Variants in VEGFB observed in about 807,000 individuals in gnomAD.
VEGFB encodes the protein VEGF-related factor.
Under a neutral mutation model 22.5 loss-of-function variants are expected in VEGFB, and 24 were observed. The ratio of observed to expected loss-of-function variants is 1.07; its 90% CI spans 0.77 to 1.50. The LOEUF (loss-of-function observed/expected upper bound fraction) is 1.50. Among genes scored for constraint, VEGFB ranks in the 40% most tolerant of loss-of-function variants. The probability of loss-of-function intolerance (pLI) is 0.00; values close to 1 mark genes in which losing one functional copy is unlikely to be tolerated. For missense variants in VEGFB, 327 were observed against 287.8 expected (o/e 1.14, Z -0.99); for synonymous variants, 141 against 117.4 (o/e 1.20, Z -1.30).
chr11:64,237,207 C>G lies in VEGFB; in HGVS notation c.395C>G (p.Ala132Gly). 6.2e-7 allele frequency: 1 copy of G among 1,608,668 alleles called. No homozygotes were observed. The highest frequency in any genetic ancestry group is 1.3e-5 in the African/African-American group (1 of 74,778). Residue 132 changes from alanine to glycine, a missense_variant, in exon 5 of 7, where the codon GCT becomes GGT. Physicochemically the swap from Ala to Gly is moderately conservative, Grantham distance 60 (BLOSUM62 0). Transcript: ENST00000309422. ...CECRPKKKDS[A>G]VKPDRAATPH... ...TTCAGACCTAAAAAAAAGGACAGTG[C>G]TGTGAAGCCAGACAGGTGAGTCTTT...
Position 64,237,120 on chromosome 11 carries a change from AGAGTAG to A in VEGFB, c.375-64_375-59del, listed in dbSNP as rs1462591904. On this transcript the variant is annotated intron_variant, in intron 4 of 6. Coordinates refer to ENST00000309422, the MANE Select transcript of VEGFB (RefSeq NM_003377.5). ...GAGAGAGAGAGAGAGAGAGAGAGAG[AGAGTAG>A]GATGCTGGGATTTCCTGATCTTCCT... 2.8e-5 allele frequency: 27 copies of A among 966,560 alleles called. 1 individual carries two copies. Among genetic ancestry groups the A allele is most frequent in the African/African-American group, 1.8e-4 (11 of 61,490 alleles). 59.9% of individuals were successfully genotyped at this position (966,560 alleles called of 1,614,324 possible).
chr11:64,236,757 G>GGAGAGGGAGAGGGAGAGGGAGAGGGAGA (rs2030063301), intron 4 of VEGFB, among the ~76,000 whole-genome samples: 1 of 138,274 alleles, frequency 7.2e-6, no homozygotes, highest in Non-Finnish European at 1.6e-5. Flanking sequence ...GTAGAGCCAA[G>GGAGAGGGAGAGGGAGAGGGAGAGGGAGA]GGTAGGCCTT....
chr11:64,237,547 C>G lies in VEGFB; in HGVS notation c.538C>G (p.Pro180Ala), dbSNP rs1488989926. ...CCCAGGCCCCTCTGCCCACGCTGCA[C>G]CCAGCACCACCAGCGCCCTGACCCC... is the stretch of plus-strand genomic sequence containing the variant. ...PAPGPSAHAA[P>A]STTSALTPGP... The change falls in exon 6 of 7, where the codon CCC (proline) becomes GCC (alanine). Residue 180 changes from proline to alanine, a missense_variant. Coordinates refer to ENST00000309422, the MANE Select transcript of VEGFB (RefSeq NM_003377.5). The G allele has an allele frequency of 6.2e-7, 1 of 1,607,070 alleles. No individual in the cohort carries two copies. Among genetic ancestry groups the G allele is most frequent in the Non-Finnish European group, 8.5e-7 (1 of 1,179,040 alleles).
In VEGFB at chr11:64,234,873, C is replaced by A; in HGVS notation, c.40C>A (p.Leu14Met). The A allele has an allele frequency of 5.4e-6, 7 of 1,305,918 alleles. No homozygotes were observed. The highest frequency in any genetic ancestry group is 5.9e-6 in the Non-Finnish European group (6 of 1,024,024). 80.9% of individuals were successfully genotyped at this position (1,305,918 alleles called of 1,614,324 possible). A position where few individuals can be genotyped will look rare whatever the true frequency, so the allele number is the denominator to read the frequency against. The change falls in exon 1 of 7, where the codon CTG (leucine) becomes ATG (methionine). Residue 14 changes from leucine (L) to methionine (M), a missense_variant. Physicochemically the swap from Leu to Met is conservative, Grantham distance 15. Coordinates refer to ENST00000309422, the MANE Select transcript of VEGFB (RefSeq NM_003377.5). The surrounding 1 kb of genome is among the most constrained non-coding windows in gnomAD (Gnocchi z 5.3). ...LLRRLLLAALLQLAPAQAPVS... is the reference protein window; with the variant it reads ...LLRRLLLAALMQLAPAQAPVS... ...CCGCCGCCTGCTGCTCGCCGCACTC[C>A]TGCAGCTGGCCCCCGCCCAGGTACG... is the stretch of plus-strand genomic sequence containing the variant.
intron 4 of VEGFB, 129 bp downstream of exon 4, chr11:64,236,456 C>G (rs1228439214): frequency 2.4e-6 from 2 of 849,702 alleles, no homozygotes; most frequent in African/African-American, 1.7e-5. Flanking sequence ...TAGCTCACGC[C>G]TGTAATCCCA....
rs768234724 is a variant in VEGFB, at chr11:64,237,650, C to G, written c.*17C>G. On this transcript the variant is annotated 3_prime_UTR_variant, in exon 6 of 7. Transcript: ENST00000309422. ...GGGGCTTAGAGCTCAACCCAGACAC[C>G]TGCAGGTGAGGCGTCTGTGGGGTGG... 1 of 1,527,010 alleles carries G rather than the reference C, an allele frequency of 6.5e-7. No homozygotes were observed. The highest frequency in any genetic ancestry group is 1.2e-5 in the South Asian group (1 of 85,458). The allele number at this position is 1,527,010 out of a possible 1,614,324, so 94.6% of individuals were successfully genotyped here.
At chr11:64,238,233 C>G (rs2030240920) in intron 6 of VEGFB, 123 bp from the exon 7 acceptor site, 2 of 1,267,270 alleles carry the variant, frequency 1.6e-6, no homozygotes, top group Admixed American at 2.1e-5. Context: ...GCCTCCAGTG[C>G]CCAGGGCCGA....
chr11:64,237,687 G>T, intron 6 of VEGFB, 32 bp downstream of exon 6: 2 of 1,498,924 alleles, frequency 1.3e-6, no homozygotes, highest in African/African-American at 2.8e-5. Context: ...GTTTGTTTGG[G>T]AAGGCACCAA....
intron 1 of VEGFB, 130 bp downstream of exon 1, chr11:64,235,023 G>A (rs187243685): frequency 1.3e-6 from 1 of 747,608 alleles, no homozygotes; most frequent in Non-Finnish European, 1.8e-6. Flanking sequence ...GGGCGTCTCG[G>A]GGGCCCGGCG....
rs1238108093 is a variant in VEGFB at position 64,237,408 on chromosome 11, TCTC to T, written c.411-7_411-5del. On this transcript the variant is annotated splice_polypyrimidine_tract_variant and intron_variant, in intron 5 of 6. Transcript: ENST00000309422. ...TCCTTCCCACCCCAGACATGTCGCT[TCTC>T]CTCCCTAGGGCTGCCACTCCCCACC... 1 of 1,577,622 alleles carries T rather than the reference TCTC, an allele frequency of 6.3e-7. No homozygotes were observed. Among genetic ancestry groups the T allele is most frequent in the East Asian group, 2.3e-5 (1 of 44,068 alleles).
chr11:64,235,862 G>C lies in VEGFB; in HGVS notation c.153G>C (p.Glu51Asp), dbSNP rs746744390. ...CTCGCGCTACCTGCCAGCCCCGGGA[G>C]GTGGTGGTGCCCTTGACTGTGGAGC... The part of the protein sequence containing the change: ...VYTRATCQPR[E>D]VVVPLTVELM... The change falls in exon 3 of 7, where the codon GAG becomes GAC. Residue 51 changes from glutamate (E) to aspartate (D), a missense_variant. Physicochemically the swap from Glu to Asp is conservative, Grantham distance 45. Coordinates refer to ENST00000309422, the MANE Select transcript of VEGFB (RefSeq NM_003377.5). The C allele has an allele frequency of 4.8e-5, 77 of 1,613,914 alleles. No homozygotes were observed. The Admixed American group carries it at 1.2e-3, about 26-fold the overall frequency.
chr11:64,236,716 C>CA (rs773789771), intron 4 of VEGFB, among the ~76,000 whole-genome samples: 9,912 of 73,880 alleles, frequency 0.13, 1,952 homozygotes, highest in Admixed American at 0.16. Context: ...GACTCTGCCA[C>CA]AAAAAAAAAA....
At chr11:64,237,280 G>A (rs1591081724) in intron 5 of VEGFB, 58 bp downstream of exon 5, 1 of 1,552,168 alleles carries the variant, frequency 6.4e-7, no homozygotes. Context: ...GAGTCCAGAA[G>A]CTGTTGCTCC....
Position 64,238,473 on chromosome 11 carries a change from C to A in VEGFB, c.*140C>A. The stretch of plus-strand genomic sequence containing the variant: ...GCCTGGTAAAAAACAGCCAAGCCCC[C>A]AAGACCTCAGCCCAGGCAGAAGCTG... On this transcript the variant is annotated 3_prime_UTR_variant, in exon 7 of 7. Coordinates refer to ENST00000309422, the MANE Select transcript of VEGFB (RefSeq NM_003377.5). 2 of 1,481,044 alleles carry A rather than the reference C, an allele frequency of 1.4e-6. No individual in the cohort carries two copies. Among genetic ancestry groups the A allele is most frequent in the South Asian group, 1.2e-5 (1 of 82,794 alleles). The allele number at this position is 1,481,044 out of a possible 1,614,324, so 91.7% of individuals were successfully genotyped here. A position where few individuals can be genotyped will look rare whatever the true frequency, so the allele number is the denominator to read the frequency against.
At position 64,237,054 on chromosome 11, in the gene VEGFB, G is replaced by A. The variant is rs545284383; in HGVS notation, c.375-133G>A. Reference sequence around the variant, plus strand: ...GCCGAGACCACGCCACTGCACTCCAGCCTGGGCAAGAAGAGGGAAACACAG... The same window carrying A: ...GCCGAGACCACGCCACTGCACTCCAACCTGGGCAAGAAGAGGGAAACACAG... On this transcript the variant is annotated intron_variant, in intron 4 of 6. Coordinates refer to ENST00000309422, the MANE Select transcript of VEGFB (RefSeq NM_003377.5). 2.0e-5 allele frequency: 15 copies of A among 745,604 alleles called. No homozygotes were observed. In the African/African-American group the frequency reaches 2.7e-4, roughly 13 times the overall value. The allele number at this position is 745,604 out of a possible 1,614,324, so 46.2% of individuals were successfully genotyped here. A position where few individuals can be genotyped will look rare whatever the true frequency, so the allele number is the denominator to read the frequency against.
chr11:64,236,935 T>C (rs2030083299), intron 4 of VEGFB, among the ~76,000 whole-genome samples: 1 of 147,252 alleles, frequency 6.8e-6, no homozygotes, highest in Non-Finnish European at 1.5e-5. Context: ...ATACAAAAAT[T>C]AGCCGCGCAT....
chr11:64,237,404 C>A lies in VEGFB; in HGVS notation c.411-16C>A. 6.4e-7 allele frequency: 1 copy of A among 1,573,554 alleles called. No individual in the cohort carries two copies. The highest frequency in any genetic ancestry group is 8.7e-7 in the Non-Finnish European group (1 of 1,150,388). On this transcript the variant is annotated splice_polypyrimidine_tract_variant and intron_variant, in intron 5 of 6. Coordinates refer to ENST00000309422, the MANE Select transcript of VEGFB (RefSeq NM_003377.5). Reference sequence around the variant, plus strand: ...CTCTTCCTTCCCACCCCAGACATGTCGCTTCTCCTCCCTAGGGCTGCCACT... The same window carrying A: ...CTCTTCCTTCCCACCCCAGACATGTAGCTTCTCCTCCCTAGGGCTGCCACT...
At position 64,237,046 on chromosome 11, in the gene VEGFB, G is replaced by A. The variant is rs746806944; in HGVS notation, c.375-141G>A. On this transcript the variant is annotated intron_variant, in intron 4 of 6. Coordinates refer to ENST00000309422, the MANE Select transcript of VEGFB (RefSeq NM_003377.5). ...TGCAGTGAGCCGAGACCACGCCACT[G>A]CACTCCAGCCTGGGCAAGAAGAGGG... The A allele has an allele frequency of 5.9e-6, 4 of 681,526 alleles. 1 individual carries two copies. The highest frequency in any genetic ancestry group is 9.6e-6 in the Non-Finnish European group (4 of 418,162). 42.2% of individuals were successfully genotyped at this position (681,526 alleles called of 1,614,324 possible). A position where few individuals can be genotyped will look rare whatever the true frequency, so the allele number is the denominator to read the frequency against.
intron 6 of VEGFB, 74 bp from the exon 7 acceptor site, chr11:64,238,282 C>T: frequency 1.3e-6 from 2 of 1,524,810 alleles, no homozygotes; most frequent in Non-Finnish European, 1.8e-6. Context: ...TCTTAGTGGG[C>T]CCGAGGCACA....
Sources: allele counts gnomAD v4.1 joint callset (sites outside exome capture counted in the v4.1 genomes callset), GRCh38; gene constraint gnomAD v4.1.1; non-coding constraint Gnocchi (gnomAD v3.1); transcripts MANE v1.5; gene names NCBI Gene and HGNC (gene_info 2026-07-23, HGNC 2026-07-21).